SLIT3: variants seen among roughly 807,000 people sequenced by gnomAD.
SLIT3 encodes slit guidance ligand 3, also known as slit homolog 3 protein.
Under a neutral mutation model 184.0 loss-of-function variants are expected in SLIT3, and 68 were observed. That is an observed-to-expected ratio of 0.37 (90% CI 0.30 to 0.45). The LOEUF (loss-of-function observed/expected upper bound fraction) is 0.45. Among genes scored for constraint, SLIT3 ranks in the 20% least tolerant of loss-of-function variants. SLIT3 has a pLI of 1.00. For synonymous variants in SLIT3, 831 were observed against 828.6 expected (o/e 1.00, Z -0.05); for missense variants, 1,707 against 2,026.0 (o/e 0.84, Z 3.02).
At chr5:169,162,235 G>C (rs1164860586) in intron 4 of SLIT3, among the ~76,000 whole-genome samples, 1 of 152,164 alleles carries the variant, frequency 6.6e-6, no homozygotes, top group Non-Finnish European at 1.5e-5. Context: ...CTGGGATCTT[G>C]GTAGATGTGC....
chr5:168,913,686 AGCCCAG>A (rs1190206992), intron 4 of SLIT3, among the ~76,000 whole-genome samples: 5 of 150,204 alleles, frequency 3.3e-5, no homozygotes, highest in Non-Finnish European at 5.9e-5. Flanking sequence ...GGTTGCAGTG[AGCCCAG>A]ATGGCACCAT....
At chr5:169,068,627 A>G (rs1459974511) in intron 4 of SLIT3, among the ~76,000 whole-genome samples, 1 of 152,158 alleles carries the variant, frequency 6.6e-6, no homozygotes, top group Non-Finnish European at 1.5e-5. Context: ...TTGACAGAAA[A>G]TTCTTCAGTG....
intron 10 of SLIT3, among the ~76,000 whole-genome samples, chr5:168,793,966 T>A (rs1756475993): frequency 6.6e-6 from 1 of 152,216 alleles, no homozygotes; most frequent in Non-Finnish European, 1.5e-5. Flanking sequence ...TATGTTGGTT[T>A]CCACTTCTGG....
rs111482808 is a variant in SLIT3, at chr5:169,188,849, C to G, written c.413+4630G>C. Among the ~76,000 whole-genome samples, 1,209 of 152,288 alleles carry G rather than the reference C, an allele frequency of 7.9e-3. 22 individuals carry two copies. Among genetic ancestry groups the G allele is most frequent in the African/African-American group, 0.028 (1,155 of 41,554 alleles). On this transcript the variant is annotated intron_variant, in intron 4 of 35. Coordinates refer to ENST00000519560, the MANE Select transcript of SLIT3 (RefSeq NM_003062.4). ...ACCTGAGACAAGAGAGGTTAAGTAA[C>G]TTGCCAAAGGTTTCAGGATACACAG...
intron 3 of SLIT3, among the ~76,000 whole-genome samples, chr5:169,200,237 G>T (rs1024396174): frequency 1.1e-4 from 17 of 152,368 alleles, no homozygotes; most frequent in Admixed American, 4.6e-4. Flanking sequence ...TCCTCAGGGA[G>T]CTGTGGGCTG....
intron 20 of SLIT3, 86 bp from the exon 21 acceptor site, chr5:168,724,570 G>A (rs1008952864): frequency 3.8e-5 from 40 of 1,056,294 alleles, no homozygotes; most frequent in Non-Finnish European, 4.8e-5. Context: ...TGACTTTCCA[G>A]GCTGGATTAG....
Position 168,671,066 on chromosome 5 carries a change from A to G in SLIT3, c.4127+132T>C, listed in dbSNP as rs1176274462. On this transcript the variant is annotated intron_variant, in intron 34 of 35. Transcript: ENST00000519560. ...GCCTCTTGACCTCTTAAGCAGTTACACTTACACAGATCCTATCTGCGGTCT... is the reference window on the plus strand; with the variant it reads ...GCCTCTTGACCTCTTAAGCAGTTACGCTTACACAGATCCTATCTGCGGTCT... The G allele has an allele frequency of 5.9e-6, 6 of 1,016,986 alleles. No individual in the cohort carries two copies. The Admixed American group carries it at 1.4e-4, about 23-fold the overall frequency. 63.0% of individuals were successfully genotyped at this position (1,016,986 alleles called of 1,614,324 possible).
chr5:168,890,104 C>T (rs1760388923), intron 4 of SLIT3, among the ~76,000 whole-genome samples: 2 of 145,478 alleles, frequency 1.4e-5, no homozygotes, highest in South Asian at 4.3e-4. Flanking sequence ...CACACCACCG[C>T]ACCCCAGCCT....
At chr5:169,146,863 G>C (rs1761943351) in intron 4 of SLIT3, among the ~76,000 whole-genome samples, 4 of 152,210 alleles carry the variant, frequency 2.6e-5, no homozygotes, top group African/African-American at 9.6e-5. Flanking sequence ...TGCTGGAGCT[G>C]CCACTTACTA....
chr5:168,760,837 T>C (rs1419215077), intron 16 of SLIT3, 25 bp downstream of exon 16: 2 of 1,581,744 alleles, frequency 1.3e-6, no homozygotes, highest in Non-Finnish European at 1.7e-6. Flanking sequence ...CAGAGGCTGC[T>C]GCCAAGTTCC....
intron 4 of SLIT3, among the ~76,000 whole-genome samples, chr5:169,052,611 A>T (rs1023535503): frequency 1.3e-5 from 2 of 152,194 alleles, no homozygotes; most frequent in African/African-American, 4.8e-5. Flanking sequence ...ATGGAGTGTG[A>T]GCACCAGTAA....
chr5:169,209,910 C>A (rs111753966), intron 3 of SLIT3, among the ~76,000 whole-genome samples: 4,170 of 151,948 alleles, frequency 0.027, 208 homozygotes, highest in African/African-American at 0.096. Context: ...CAAACCTGCA[C>A]GTTCTGCACA....
At chr5:169,111,901 G>A (rs1327430791) in intron 4 of SLIT3, among the ~76,000 whole-genome samples, 2 of 152,186 alleles carry the variant, frequency 1.3e-5, no homozygotes, top group Non-Finnish European at 2.9e-5. Flanking sequence ...ATATCTGGGG[G>A]TGTCCTCTGC....
rs538848837 is a variant in SLIT3, at chr5:169,048,355, G to A, written c.413+145124C>T. On this transcript the variant is annotated intron_variant, in intron 4 of 35. Coordinates refer to ENST00000519560, the MANE Select transcript of SLIT3 (RefSeq NM_003062.4). Reference sequence around the variant, plus strand: ...TCATAACAAACCAGGCATAACGGAAGCATTCCAGAAATGCTAACTTTTGTT... The same window carrying A: ...TCATAACAAACCAGGCATAACGGAAACATTCCAGAAATGCTAACTTTTGTT... 4.6e-5 allele frequency among the ~76,000 whole-genome samples: 7 copies of A among 152,282 alleles called. No homozygotes were observed. In the East Asian group the frequency reaches 1.4e-3, roughly 29 times the overall value.
intron 4 of SLIT3, among the ~76,000 whole-genome samples, chr5:168,920,862 G>T (rs1293147539): frequency 6.6e-6 from 1 of 152,000 alleles, no homozygotes. Flanking sequence ...TTTCCATGCT[G>T]TACTCACTGA....
chr5:168,794,008 G>A (rs1756478045), intron 10 of SLIT3, among the ~76,000 whole-genome samples: 1 of 152,188 alleles, frequency 6.6e-6, no homozygotes, highest in South Asian at 2.1e-4. Flanking sequence ...TGTTTGGTTT[G>A]GATTTCCAGG....
chr5:169,094,014 C>T (rs1360194328), intron 4 of SLIT3, among the ~76,000 whole-genome samples: 1 of 152,138 alleles, frequency 6.6e-6, no homozygotes, highest in African/African-American at 2.4e-5. Context: ...TGTGAACTCA[C>T]ATCATGGTCC....
At chr5:169,278,108 A>T (rs1254400009) in intron 1 of SLIT3, among the ~76,000 whole-genome samples, 1 of 152,184 alleles carries the variant, frequency 6.6e-6, no homozygotes, top group African/African-American at 2.4e-5. Flanking sequence ...TTTGGATGTG[A>T]TGTCCTGCTC....
intron 4 of SLIT3, chr5:169,012,380 T>G (rs996865055): frequency 6.6e-6 from 1 of 152,274 alleles, no homozygotes; most frequent in Non-Finnish European, 1.5e-5. Flanking sequence ...CTGCTCAGAG[T>G]GCAGTGCTCA....
Sources: gnomAD v4.1 joint callset for allele counts (sites outside exome capture counted in the v4.1 genomes callset) on GRCh38, gnomAD v4.1.1 for gene constraint, MANE v1.5 for transcripts, NCBI Gene and HGNC (gene_info 2026-07-23, HGNC 2026-07-21) for gene names.